UBE2L3: variants seen among roughly 807,000 people sequenced by gnomAD.
The protein encoded by UBE2L3 is ubiquitin conjugating enzyme E2 L3.
UBE2L3 carries 1 observed loss-of-function variant against 17.8 expected under a neutral mutation model. That is an observed-to-expected ratio of 0.06 (90% CI 0.02 to 0.27). The LOEUF (loss-of-function observed/expected upper bound fraction) is 0.27. Ranked by LOEUF, UBE2L3 falls within the 10% of genes least tolerant of loss-of-function variation. UBE2L3 has a pLI of 1.00. For synonymous variants in UBE2L3, 44 were observed against 68.5 expected, an observed-to-expected ratio of 0.64 and a Z score of 1.76; for missense variants, 40 against 192.6, an observed-to-expected ratio of 0.21 and a Z score of 4.69.
chr22:21,558,933 C>T (rs1190881027), intron 1 of UBE2L3, among the ~76,000 whole-genome samples: 2 of 151,876 alleles, frequency 1.3e-5, no homozygotes, highest in Non-Finnish European at 2.9e-5. Context: ...GATGTGGCTG[C>T]TGTCCTTAGG....
upstream of UBE2L3, among the ~76,000 whole-genome samples, chr22:21,563,868 C>T (rs977939336): frequency 6.6e-6 from 1 of 151,964 alleles, no homozygotes; most frequent in South Asian, 2.1e-4. Flanking sequence ...AGCCACTGCA[C>T]CTGGACTATT....
intron 1 of UBE2L3, among the ~76,000 whole-genome samples, chr22:21,570,671 T>C (rs115195568): frequency 0.012 from 1,784 of 152,300 alleles, 39 homozygotes; most frequent in African/African-American, 0.04. Flanking sequence ...GTAATGCTGA[T>C]CATTGGCTGT....
chr22:21,609,477 C>T (rs937386180), intron 2 of UBE2L3, among the ~76,000 whole-genome samples: 8 of 152,100 alleles, frequency 5.3e-5, no homozygotes, highest in Non-Finnish European at 7.3e-5. Flanking sequence ...GAGGCCGAGA[C>T]AGGCAGATCT....
intron 1 of UBE2L3, among the ~76,000 whole-genome samples, chr22:21,578,545 T>A (rs1927445417): frequency 6.6e-6 from 1 of 151,942 alleles, no homozygotes; most frequent in African/African-American, 2.4e-5. Context: ...GCTGTCAGTC[T>A]GGTAGGGGGG....
chr22:21,611,471 A>T (rs1191597577), intron 3 of UBE2L3, among the ~76,000 whole-genome samples: 1 of 152,172 alleles, frequency 6.6e-6, no homozygotes, highest in Non-Finnish European at 1.5e-5. Context: ...AGGGCCTTCC[A>T]GGCTATAGGA....
chr22:21,574,707 C>T (rs1248876971), intron 1 of UBE2L3, among the ~76,000 whole-genome samples: 1 of 152,166 alleles, frequency 6.6e-6, no homozygotes, highest in Non-Finnish European at 1.5e-5. Context: ...TGGCTCATGC[C>T]TGTAATCCTA....
At chr22:21,565,287 T>A (rs1926587966), upstream of UBE2L3, among the ~76,000 whole-genome samples, 1 of 151,026 alleles carries the variant, frequency 6.6e-6, no homozygotes, top group East Asian at 2.0e-4. Context: ...AGAGATGGGG[T>A]TTCACCGTGT....
At chr22:21,573,720 G>T (rs1046011015) in intron 1 of UBE2L3, among the ~76,000 whole-genome samples, 7 of 152,170 alleles carry the variant, frequency 4.6e-5, no homozygotes, top group African/African-American at 1.2e-4. Flanking sequence ...TATGGGAAAT[G>T]CTTTGAGGAG....
At chr22:21,616,890 C>T (rs566323079) in intron 3 of UBE2L3, among the ~76,000 whole-genome samples, 9 of 151,912 alleles carry the variant, frequency 5.9e-5, no homozygotes, top group Admixed American at 1.3e-4. Context: ...ATATTGTTTA[C>T]ATCCGCTATT....
Position 21,592,876 on chromosome 22 carries a change from C to G in UBE2L3, c.43C>G (p.Arg15Gly). Residue 15 changes from arginine (R) to glycine (G), a missense_variant, in exon 2 of 4, where the codon CGC (arginine) becomes GGC (glycine). Coordinates refer to ENST00000342192, the MANE Select transcript of UBE2L3 (RefSeq NM_003347.4). ...CAATCAACAGGAGCTTGAAGAAATC[C>G]GCAAATGTGGGATGAAAAACTTCCG... ...RRLMKELEEI[R>G]KCGMKNFRNI... is the part of the protein sequence containing the mutation. The G allele has an allele frequency of 6.2e-7, 1 of 1,613,010 alleles. No homozygotes were observed. Among genetic ancestry groups the G allele is most frequent in the Non-Finnish European group, 8.5e-7 (1 of 1,179,896 alleles).
intron 3 of UBE2L3, among the ~76,000 whole-genome samples, chr22:21,616,480 C>G (rs961192074): frequency 6.6e-6 from 1 of 151,934 alleles, no homozygotes; most frequent in Non-Finnish European, 1.5e-5. Flanking sequence ...GAAACCCCGT[C>G]CCTACTAAAA....
chr22:21,589,796 G>T (rs1928160004), intron 1 of UBE2L3, among the ~76,000 whole-genome samples: 2 of 152,190 alleles, frequency 1.3e-5, no homozygotes, highest in African/African-American at 2.4e-5. Context: ...ATCATGTAAA[G>T]GAGGTTGCCT....
intron 1 of UBE2L3, among the ~76,000 whole-genome samples, chr22:21,573,621 G>C (rs115577448): frequency 1.4e-3 from 212 of 152,262 alleles, no homozygotes; most frequent in African/African-American, 5.0e-3. Flanking sequence ...CTTTAAGCAC[G>C]AGTAGGGTTT....
At chr22:21,596,833 C>T (rs1450080931) in intron 2 of UBE2L3, among the ~76,000 whole-genome samples, 1 of 152,142 alleles carries the variant, frequency 6.6e-6, no homozygotes, top group Non-Finnish European at 1.5e-5. Flanking sequence ...TCATCCACAT[C>T]CTTGCTAACA....
intron 1 of UBE2L3, among the ~76,000 whole-genome samples, chr22:21,578,273 T>A (rs544132367): frequency 1.3e-5 from 2 of 150,510 alleles, no homozygotes; most frequent in South Asian, 4.2e-4. Flanking sequence ...GGCAGGAGAA[T>A]GGTGTGAACC....
intron 2 of UBE2L3, among the ~76,000 whole-genome samples, chr22:21,608,404 C>T (rs572653284): frequency 6.6e-6 from 1 of 152,138 alleles, no homozygotes; most frequent in South Asian, 2.1e-4. Flanking sequence ...CACATGCCAC[C>T]ATGCCAGGCC....
rs533923826 is a variant in UBE2L3, at chr22:21,575,631, C to CTTTT, written c.27+7885_27+7888dup. ...TACTTTTCCCAACAAAGTTGAATAG[C>CTTTT]TTTTTTTTTTTTTTTTTTTTTTTTT... On this transcript the variant is annotated intron_variant, in intron 1 of 3. Transcript: ENST00000342192. Among the ~76,000 whole-genome samples the CTTTT allele has an allele frequency of 1.2e-3, 90 of 73,432 alleles. 20 individuals are homozygous for CTTTT. Among genetic ancestry groups the CTTTT allele is most frequent in the Non-Finnish European group, 1.9e-3 (77 of 41,612 alleles). 48.2% of individuals were successfully genotyped at this position (73,432 alleles called of 152,430 possible).
At chr22:21,572,422 C>A (rs376332715) in intron 1 of UBE2L3, among the ~76,000 whole-genome samples, 892 of 104,676 alleles carry the variant, frequency 8.5e-3, no homozygotes, top group East Asian at 0.011. Context: ...GACTCCGTCT[C>A]AAAAAAAAAA....
chr22:21,592,268 C>A lies in UBE2L3; in HGVS notation c.28-593C>A, dbSNP rs111388333. Among the ~76,000 whole-genome samples, 8 of 152,092 alleles carry A rather than the reference C, an allele frequency of 5.3e-5. 1 individual carries two copies. In the South Asian group the frequency reaches 1.5e-3, roughly 28 times the overall value. ...AGTGAAGGTTTCCCGTCCCCACCCC[C>A]CCACTCCCACCCCAGTCCCAGACTG... On this transcript the variant is annotated intron_variant, in intron 1 of 3. Transcript: ENST00000342192.
Sources: allele counts gnomAD v4.1 joint callset (sites outside exome capture counted in the v4.1 genomes callset), GRCh38; gene constraint gnomAD v4.1.1; transcripts MANE v1.5; gene names NCBI Gene and HGNC (gene_info 2026-07-23, HGNC 2026-07-21).